The following ZAP70 variants were observed in gnomAD, a reference collection of about 807,000 sequenced individuals.
ZAP70 encodes tyrosine-protein kinase ZAP-70.
ZAP70 carries 27 observed loss-of-function variants against 65.8 expected under a neutral mutation model. The ratio of observed to expected loss-of-function variants is 0.41; its 90% confidence interval spans 0.30 to 0.57. The LOEUF (loss-of-function observed/expected upper bound fraction) is 0.57, where lower values mean the gene tolerates loss of function less well. Among genes scored for constraint, ZAP70 ranks in the 20% least tolerant of loss-of-function variants. The pLI, the probability that ZAP70 is intolerant of heterozygous loss-of-function variation, is 0.28. For missense variants in ZAP70, 696 were observed against 870.5 expected (o/e 0.80, Z 2.52); for synonymous variants, 363 against 360.8 (o/e 1.01, Z -0.07).
chr2:97,734,754 G>A, intron 9 of ZAP70, 42 bp downstream of exon 9: 1 of 1,608,426 alleles, frequency 6.2e-7, no homozygotes, highest in African/African-American at 1.3e-5. Flanking sequence ...GCCGCCTGGG[G>A]CAGAGGGGAG....
chr2:97,732,823 G>A (rs1677664516), intron 4 of ZAP70, 60 bp from the exon 5 acceptor site: 3 of 1,609,358 alleles, frequency 1.9e-6, no homozygotes. Flanking sequence ...GGGGAACCGG[G>A]GCACAGCAGG....
In ZAP70 at chr2:97,739,836, C is replaced by A; in HGVS notation, c.*338C>A. 2.7e-6 allele frequency: 1 copy of A among 365,264 alleles called. No homozygotes were observed. The highest frequency in any genetic ancestry group is 5.1e-6 in the Non-Finnish European group (1 of 196,266). 22.6% of individuals were successfully genotyped at this position (365,264 alleles called of 1,614,324 possible). ...CCTCAGGTGGTCAGGCGTAGATCACCAGAATAAACCCAGCTTCCCTCTTGT... is the reference window on the plus strand; with the variant it reads ...CCTCAGGTGGTCAGGCGTAGATCACAAGAATAAACCCAGCTTCCCTCTTGT... On this transcript the variant is annotated 3_prime_UTR_variant, in exon 14 of 14. Coordinates refer to ENST00000264972, the MANE Select transcript of ZAP70 (RefSeq NM_001079.4).
chr2:97,733,073 C>T (rs770546185), intron 5 of ZAP70, 52 bp downstream of exon 5: 1 of 1,613,976 alleles, frequency 6.2e-7, no homozygotes, highest in South Asian at 1.1e-5. Context: ...AGATGGGGTG[C>T]CGGGCTCTGG....
chr2:97,744,124 G>T (rs534903207), downstream of ZAP70, among the ~76,000 whole-genome samples: 98 of 152,294 alleles, frequency 6.4e-4, no homozygotes, highest in Middle Eastern at 6.8e-3. Context: ...ACTTGCCCCA[G>T]TCCACACAGC....
the ZAP70 span, among the ~76,000 whole-genome samples, chr2:97,754,671 G>A: frequency 1.3e-5 from 2 of 152,202 alleles, no homozygotes; most frequent in African/African-American, 4.8e-5. Flanking sequence ...CCAAGGTGCT[G>A]GGACTACAGG....
chr2:97,746,233 G>A, the ZAP70 span, among the ~76,000 whole-genome samples: 21,825 of 152,118 alleles, frequency 0.14, 1,859 homozygotes, highest in African/African-American at 0.23. Flanking sequence ...GGAAAAGTTC[G>A]GAAATAGATA....
In ZAP70 at chr2:97,737,930, G is replaced by C; in HGVS notation, c.1623+33G>C. 1 of 1,614,040 alleles carries C rather than the reference G, an allele frequency of 6.2e-7. No individual in the cohort carries two copies. Among genetic ancestry groups the C allele is most frequent in the East Asian group, 2.2e-5 (1 of 44,882 alleles). ...CGGGCAGAGGCAGGTGGGCGGTGTG[G>C]TGGGGAGGGGGATGAGGAGGAGGAC... On this transcript the variant is annotated intron_variant, in intron 12 of 13. Coordinates refer to ENST00000264972, the MANE Select transcript of ZAP70 (RefSeq NM_001079.4). The surrounding 1 kb of genome is among the most constrained non-coding windows in gnomAD (Gnocchi z 5.0).
At chr2:97,752,915 A>G in the ZAP70 span, among the ~76,000 whole-genome samples, 1 of 152,220 alleles carries the variant, frequency 6.6e-6, no homozygotes. Flanking sequence ...TGAAATAGGA[A>G]CAAGTAAAAT....
At chr2:97,743,631 C>T (rs1015544247), downstream of ZAP70, among the ~76,000 whole-genome samples, 4 of 152,220 alleles carry the variant, frequency 2.6e-5, no homozygotes, top group South Asian at 2.1e-4. Context: ...CCACTGCACC[C>T]GGCCTCCTGT....
chr2:97,752,231 G>A, the ZAP70 span, among the ~76,000 whole-genome samples: 32 of 152,302 alleles, frequency 2.1e-4, no homozygotes, highest in Non-Finnish European at 3.5e-4. Context: ...TCCTGCTCAC[G>A]TCTACATTTA....
chr2:97,725,222 A>G lies in ZAP70; in HGVS notation c.533A>G (p.Tyr178Cys). The stretch of plus-strand genomic sequence containing the variant: ...CGTGAGGAGGCCGAGCGCAAACTTT[A>G]CTCTGGGGCGCAGACCGACGGCAAG... ...LTREEAERKL[Y>C]SGAQTDGKFL... Residue 178 changes from tyrosine (Y) to cysteine (C), a missense_variant, in exon 4 of 14, where the codon TAC (tyrosine) becomes TGC (cysteine). Around this residue, in one of 3 missense-constraint regions of ZAP70, gnomAD observed 551 missense variants for 630.0 expected, o/e 0.87. Coordinates refer to ENST00000264972, the MANE Select transcript of ZAP70 (RefSeq NM_001079.4). The G allele has an allele frequency of 1.2e-6, 2 of 1,613,568 alleles. No individual in the cohort carries two copies. The highest frequency in any genetic ancestry group is 1.7e-6 in the Non-Finnish European group (2 of 1,179,788).
intron 2 of ZAP70, among the ~76,000 whole-genome samples, chr2:97,719,850 T>C (rs928550485): frequency 5.3e-5 from 8 of 152,184 alleles, no homozygotes; most frequent in Admixed American, 3.9e-4. Flanking sequence ...CGTCCTGCCC[T>C]CTGTCGTCAC....
intron 8 of ZAP70, chr2:97,734,146 C>G: frequency 6.5e-6 from 2 of 309,378 alleles, no homozygotes; most frequent in South Asian, 9.7e-5. Flanking sequence ...CACCTAGAGG[C>G]TCGCTTTTGG....
At chr2:97,754,301 T>G in the ZAP70 span, among the ~76,000 whole-genome samples, 1 of 151,812 alleles carries the variant, frequency 6.6e-6, no homozygotes, top group Non-Finnish European at 1.5e-5. Context: ...AAAAAAGGAG[T>G]TTGGTCGGGG....
intron 4 of ZAP70, among the ~76,000 whole-genome samples, chr2:97,729,730 T>G (rs1020504379): frequency 6.6e-6 from 1 of 152,146 alleles, no homozygotes; most frequent in Non-Finnish European, 1.5e-5. Flanking sequence ...GCATTTTTTT[T>G]TTTTTTTGTA....
At position 97,735,073 on chromosome 2, in the gene ZAP70, G is replaced by C. The variant is rs556820497; in HGVS notation, c.1083-177G>C. The stretch of plus-strand genomic sequence containing the variant: ...CCGGTGAGCGATCCGGCTGTGAGCC[G>C]TCCTCAGCAGACGCTCCAGGCTGCA... On this transcript the variant is annotated intron_variant, in intron 9 of 13. Transcript: ENST00000264972. 1.3e-5 allele frequency: 10 copies of C among 771,368 alleles called. No homozygotes were observed. In the South Asian group the frequency reaches 1.5e-4, roughly 12 times the overall value. 47.8% of individuals were successfully genotyped at this position (771,368 alleles called of 1,614,324 possible).
intron 2 of ZAP70, among the ~76,000 whole-genome samples, chr2:97,717,221 A>C (rs1207054289): frequency 6.9e-6 from 1 of 144,246 alleles, no homozygotes; most frequent in African/African-American, 2.7e-5. Context: ...TCAGAGAGAG[A>C]GAGCCAGGAG....
intron 2 of ZAP70, among the ~76,000 whole-genome samples, chr2:97,720,206 T>C (rs903333912): frequency 1.3e-5 from 2 of 152,062 alleles, no homozygotes; most frequent in Non-Finnish European, 1.5e-5. Flanking sequence ...CCTAGGAGCC[T>C]TCATGGGTTT....
downstream of ZAP70, among the ~76,000 whole-genome samples, chr2:97,741,815 A>G (rs958520369): frequency 6.6e-6 from 1 of 152,176 alleles, no homozygotes. Context: ...CTCCTCCTCT[A>G]TTGATCATGT....
Sources: allele counts gnomAD v4.1 joint callset (sites outside exome capture counted in the v4.1 genomes callset), GRCh38; gene constraint gnomAD v4.1.1; regional missense constraint gnomAD v4.1.1; non-coding constraint Gnocchi (gnomAD v3.1); transcripts MANE v1.5; gene names NCBI Gene and HGNC (gene_info 2026-07-23, HGNC 2026-07-21).